The following TMTC2 variants were observed in gnomAD, a reference collection of about 807,000 sequenced individuals.
The protein encoded by TMTC2 is transmembrane O-mannosyltransferase targeting cadherins 2.
TMTC2 carries 43 observed loss-of-function variants against 82.4 expected under a neutral mutation model. The observed-to-expected ratio is 0.52, with a 90% confidence interval of 0.41 to 0.67. The LOEUF is 0.67. Ranked by LOEUF, TMTC2 falls within the 30% of genes least tolerant of loss-of-function variation. The pLI is 0.00. For synonymous variants in TMTC2, 408 were observed against 381.9 expected (o/e 1.07, Z -0.80); for missense variants, 919 against 1,012.4 (o/e 0.91, Z 1.25).
rs148636230 is a variant in TMTC2, at chr12:82,791,470, G to A, written c.84-65540G>A. On this transcript the variant is annotated intron_variant, in intron 1 of 11. Coordinates refer to ENST00000321196, the MANE Select transcript of TMTC2 (RefSeq NM_152588.3). ...AGACCTACTACTAACTAACACAAGT[G>A]AGAGCTAGGCTCTTTGTCACAGAAA... Among the ~76,000 whole-genome samples the A allele has an allele frequency of 2.9e-3, 447 of 152,192 alleles. 3 individuals are homozygous for A. Among genetic ancestry groups the A allele is most frequent in the African/African-American group, 0.01 (432 of 41,540 alleles).
chr12:82,922,257 C>A (rs1338649782), intron 3 of TMTC2, among the ~76,000 whole-genome samples: 1 of 151,970 alleles, frequency 6.6e-6, no homozygotes, highest in Admixed American at 6.6e-5. Context: ...GTAAAAAATG[C>A]ACATTATATT....
At chr12:83,075,407 C>A (rs151042030) in intron 11 of TMTC2, among the ~76,000 whole-genome samples, 1 of 152,110 alleles carries the variant, frequency 6.6e-6, no homozygotes, top group Non-Finnish European at 1.5e-5. Flanking sequence ...GATCTCTTGT[C>A]CATCTGTATA....
At chr12:82,884,609 C>G (rs1426843259) in intron 2 of TMTC2, among the ~76,000 whole-genome samples, 1 of 152,006 alleles carries the variant, frequency 6.6e-6, no homozygotes, top group Admixed American at 6.6e-5. Flanking sequence ...TAGTAACAAC[C>G]ATTTAAAAAT....
rs549085233 is a variant in TMTC2 at position 82,917,167 on chromosome 12, GACAGTCT to G, written c.1484-13261_1484-13255del. 5.6e-3 allele frequency among the ~76,000 whole-genome samples: 851 copies of G among 152,248 alleles called. 7 individuals carry two copies. The highest frequency in any genetic ancestry group is 0.019 in the African/African-American group (809 of 41,542). ...TCTTTGCTAATAGATGGAGTGGGAA[GACAGTCT>G]ACTTTAAAAAACAGCAACAACACAT... is the stretch of plus-strand genomic sequence containing the variant. On this transcript the variant is annotated intron_variant, in intron 3 of 11. Transcript: ENST00000321196.
Position 82,997,354 on chromosome 12 carries a change from A to ATATATATGTG in TMTC2, c.2070+11315_2070+11316insGTGTATATAT, listed in dbSNP as rs1565845039. ...TGTGTGTGTGTGTGTGTGTGTATATATATATATATATGTGTATATATATAT... is the reference window on the plus strand; with the variant it reads ...TGTGTGTGTGTGTGTGTGTGTATATATATATATGTGTATATATATATGTGTATATATATAT... On this transcript the variant is annotated intron_variant, in intron 8 of 11. Transcript: ENST00000321196. Among the ~76,000 whole-genome samples the ATATATATGTG allele has an allele frequency of 2.6e-3, 74 of 28,884 alleles. 7 individuals are homozygous for ATATATATGTG. The highest frequency in any genetic ancestry group is 4.8e-3 in the African/African-American group (46 of 9,564). 18.9% of individuals were successfully genotyped at this position (28,884 alleles called of 152,430 possible).
At chr12:82,858,301 A>G (rs954893137) in intron 2 of TMTC2, among the ~76,000 whole-genome samples, 5 of 152,200 alleles carry the variant, frequency 3.3e-5, no homozygotes, top group Non-Finnish European at 5.9e-5. Flanking sequence ...CTAGAGCATT[A>G]AGGAGAGGCA....
chr12:82,993,864 A>C (rs922569101), intron 8 of TMTC2, among the ~76,000 whole-genome samples: 1 of 152,160 alleles, frequency 6.6e-6, no homozygotes, highest in African/African-American at 2.4e-5. Context: ...GCAAGGGAGC[A>C]ATGGGCAAGA....
At chr12:82,983,022 C>A (rs1878995310) in intron 7 of TMTC2, among the ~76,000 whole-genome samples, 1 of 151,924 alleles carries the variant, frequency 6.6e-6, no homozygotes, top group African/African-American at 2.4e-5. Flanking sequence ...TCTTGCAAAC[C>A]TACTTTGATC....
rs760198965 is a variant in TMTC2, at chr12:82,896,603, G to A, written c.1440G>A (p.Glu480=). Residue 480 remains glutamate, a synonymous_variant, in exon 3 of 12, where the codon GAG becomes GAA. Transcript: ENST00000321196. The part of the protein sequence containing the change: ...TAIRNGDWQN[E]EMLYRSGIKV... ...TCAGGAATGGAGACTGGCAGAATGA[G>A]GAAATGCTTTATAGATCAGGGATAA... 4.3e-6 allele frequency: 7 copies of A among 1,613,364 alleles called. No individual in the cohort carries two copies. The African/African-American group carries it at 6.7e-5, about 15-fold the overall frequency.
intron 11 of TMTC2, among the ~76,000 whole-genome samples, chr12:83,102,617 T>A (rs527394052): frequency 6.6e-6 from 1 of 152,214 alleles, no homozygotes; most frequent in Non-Finnish European, 1.5e-5. Flanking sequence ...TGGTTCTCAA[T>A]TGTAAGCTAA....
At chr12:82,707,333 C>T (rs1280684504) in intron 1 of TMTC2, among the ~76,000 whole-genome samples, 3 of 152,134 alleles carry the variant, frequency 2.0e-5, no homozygotes, top group Non-Finnish European at 4.4e-5. Flanking sequence ...AATCACCTCC[C>T]AGATGCCTCA....
intron 11 of TMTC2, among the ~76,000 whole-genome samples, chr12:83,113,362 G>A (rs1412306268): frequency 6.6e-6 from 1 of 152,192 alleles, no homozygotes; most frequent in African/African-American, 2.4e-5. Flanking sequence ...AGATAAAAAT[G>A]TGCTTCTTAT....
At chr12:82,792,454 T>TTTTG (rs575571353) in intron 1 of TMTC2, among the ~76,000 whole-genome samples, 95 of 151,878 alleles carry the variant, frequency 6.3e-4, no homozygotes, top group East Asian at 2.9e-3. Context: ...CTCAATGGTT[T>TTTTG]TTTGTTTGTT....
At chr12:82,809,673 C>T (rs916705058) in intron 1 of TMTC2, among the ~76,000 whole-genome samples, 19 of 152,072 alleles carry the variant, frequency 1.2e-4, no homozygotes, top group Admixed American at 3.3e-4. Context: ...GGATTGAGTA[C>T]GTGTTGGAGG....
intron 1 of TMTC2, among the ~76,000 whole-genome samples, chr12:82,755,848 TGTTA>T (rs970069949): frequency 1.4e-4 from 21 of 152,226 alleles, no homozygotes; most frequent in African/African-American, 5.1e-4. Context: ...TGGTGGTTGT[TGTTA>T]GTATTTTTCT....
Position 83,061,752 on chromosome 12 carries a change from A to AT in TMTC2, c.2268-10dup, listed in dbSNP as rs1190548883. On this transcript the variant is annotated splice_polypyrimidine_tract_variant and intron_variant, in intron 10 of 11. Transcript: ENST00000321196. ...AAAATATATGATATAGTTTTATTTT[A>AT]TTTTTTCTTTTACAGACAGGCTAGC... 5 of 1,577,290 alleles carry AT rather than the reference A, an allele frequency of 3.2e-6. No individual in the cohort carries two copies. The highest frequency in any genetic ancestry group is 1.7e-4 in the Middle Eastern group (1 of 5,922).
At chr12:83,105,249 C>G (rs1357015924) in intron 11 of TMTC2, among the ~76,000 whole-genome samples, 2 of 152,192 alleles carry the variant, frequency 1.3e-5, no homozygotes, top group South Asian at 4.1e-4. Flanking sequence ...CCTCCAAACT[C>G]TTCCAACCTC....
At chr12:82,705,224 TGGGTGCAATG>T (rs1873293599) in intron 1 of TMTC2, among the ~76,000 whole-genome samples, 1 of 152,118 alleles carries the variant, frequency 6.6e-6, no homozygotes, top group Non-Finnish European at 1.5e-5. Context: ...TAAAAGATGT[TGGGTGCAATG>T]TATACTGCTC....
intron 4 of TMTC2, among the ~76,000 whole-genome samples, chr12:82,952,865 G>A (rs1401090189): frequency 1.3e-5 from 2 of 152,060 alleles, no homozygotes; most frequent in East Asian, 1.9e-4. Flanking sequence ...GAGCCACCAC[G>A]CCCGGCAGCA....
Sources: allele counts gnomAD v4.1 joint callset (sites outside exome capture counted in the v4.1 genomes callset), GRCh38; gene constraint gnomAD v4.1.1; transcripts MANE v1.5; gene names NCBI Gene and HGNC (gene_info 2026-07-23, HGNC 2026-07-21).